Variants in XYLT1 observed in about 807,000 individuals in gnomAD.
XYLT1 encodes xylosyltransferase 1, also known as beta-D-xylosyltransferase 1.
A neutral mutation model predicts 91.3 loss-of-function variants in XYLT1; 36 were observed. That is an observed-to-expected ratio of 0.39 (90% CI 0.30 to 0.52). The LOEUF (loss-of-function observed/expected upper bound fraction) is 0.52, where lower values mean the gene tolerates loss of function less well. Among genes scored for constraint, XYLT1 ranks in the 20% least tolerant of loss-of-function variants. The pLI, the probability that XYLT1 is intolerant of heterozygous loss-of-function variation, is 0.68. For synonymous variants in XYLT1, 588 were observed against 532.0 expected (o/e 1.11, Z -1.45); for missense variants, 1,242 against 1,284.5 (o/e 0.97, Z 0.51).
chr16:17,361,451 T>A (rs183957513), intron 1 of XYLT1, among the ~76,000 whole-genome samples: 1 of 152,258 alleles, frequency 6.6e-6, no homozygotes, highest in Non-Finnish European at 1.5e-5. Context: ...CTGACCTCGA[T>A]AGATCAAAAA....
rs770458899 is a variant in XYLT1 at position 17,134,666 on chromosome 16, G to A, written c.1834C>T (p.Leu612=). The change falls in exon 9 of 12, where the codon CTG becomes TTG. Residue 612 remains leucine (L), a synonymous_variant. Coordinates refer to ENST00000261381, the MANE Select transcript of XYLT1 (RefSeq NM_022166.4). ...TAGTTCCCGTACAGGTAATAGTCCAGCTGCCCAATGATTTCCTGATTCACC... is the reference window on the plus strand; with the variant it reads ...TAGTTCCCGTACAGGTAATAGTCCAACTGCCCAATGATTTCCTGATTCACC... ...AVVNQEIIGQ[L]DYYLYGNYPA... 2 of 1,614,206 alleles carry A rather than the reference G, an allele frequency of 1.2e-6. No individual in the cohort carries two copies. Among genetic ancestry groups the A allele is most frequent in the Admixed American group, 1.7e-5 (1 of 60,028 alleles).
intron 1 of XYLT1, among the ~76,000 whole-genome samples, chr16:17,462,060 T>C (rs2036830792): frequency 6.6e-6 from 1 of 152,156 alleles, no homozygotes; most frequent in Non-Finnish European, 1.5e-5. Context: ...CACAAACTCA[T>C]CTTAAACTGA....
chr16:17,224,312 A>G lies in XYLT1; in HGVS notation c.914-23658T>C, dbSNP rs114153955. 3.9e-3 allele frequency among the ~76,000 whole-genome samples: 592 copies of G among 152,338 alleles called. 2 individuals are homozygous for G. Among genetic ancestry groups the G allele is most frequent in the African/African-American group, 0.014 (567 of 41,578 alleles). ...CCTAAACTTTCCATACATTTCTTACATGAACAAATGAATGACCCAACGAAC... is the reference window on the plus strand; with the variant it reads ...CCTAAACTTTCCATACATTTCTTACGTGAACAAATGAATGACCCAACGAAC... On this transcript the variant is annotated intron_variant, in intron 3 of 11. Coordinates refer to ENST00000261381, the MANE Select transcript of XYLT1 (RefSeq NM_022166.4).
chr16:17,182,192 T>C (rs1240922830), intron 5 of XYLT1, among the ~76,000 whole-genome samples: 2 of 152,184 alleles, frequency 1.3e-5, no homozygotes, highest in Non-Finnish European at 2.9e-5. Flanking sequence ...TGAGGACAGG[T>C]ACCTTGGTCT....
chr16:17,225,605 G>GAA (rs751015865), intron 3 of XYLT1, among the ~76,000 whole-genome samples: 5 of 139,958 alleles, frequency 3.6e-5, no homozygotes. Context: ...GAAGAAGGAG[G>GAA]AAAAAAAAAA....
chr16:17,110,129 C>T (rs1356743080), intron 11 of XYLT1, among the ~76,000 whole-genome samples: 1 of 152,230 alleles, frequency 6.6e-6, no homozygotes, highest in East Asian at 1.9e-4. Flanking sequence ...ACCTCCATGC[C>T]TTGTACCTCA....
At chr16:17,131,262 G>A (rs549773199) in intron 9 of XYLT1, among the ~76,000 whole-genome samples, 1 of 152,292 alleles carries the variant, frequency 6.6e-6, no homozygotes, top group South Asian at 2.1e-4. Flanking sequence ...CATCCTGACT[G>A]TATTTGGTAT....
chr16:17,146,250 T>C (rs911634842), intron 6 of XYLT1, among the ~76,000 whole-genome samples: 4 of 151,762 alleles, frequency 2.6e-5, no homozygotes, highest in Non-Finnish European at 5.9e-5. Flanking sequence ...GATAATGACA[T>C]AGTACACCTA....
intron 6 of XYLT1, among the ~76,000 whole-genome samples, chr16:17,147,324 C>T (rs920821353): frequency 3.3e-5 from 5 of 152,190 alleles, no homozygotes; most frequent in African/African-American, 9.7e-5. Context: ...TGTATTCAAA[C>T]TTACATGGTT....
intron 1 of XYLT1, among the ~76,000 whole-genome samples, chr16:17,455,045 G>A (rs1416233800): frequency 2.0e-5 from 3 of 151,822 alleles, no homozygotes; most frequent in East Asian, 3.9e-4. Flanking sequence ...ACTCCCAGAC[G>A]CAATGTTAAC....
At chr16:17,370,922 G>A (rs1476737631) in intron 1 of XYLT1, among the ~76,000 whole-genome samples, 2 of 152,110 alleles carry the variant, frequency 1.3e-5, no homozygotes, top group Admixed American at 1.3e-4. Flanking sequence ...CACAGTCCCC[G>A]CCCCAGACAC....
chr16:17,398,062 A>G (rs886687769), intron 1 of XYLT1, among the ~76,000 whole-genome samples: 5 of 151,994 alleles, frequency 3.3e-5, no homozygotes, highest in Non-Finnish European at 7.4e-5. Context: ...TCTCGTGAAC[A>G]GCTCTTTCAC....
chr16:17,387,644 C>G (rs1450891439), intron 1 of XYLT1, among the ~76,000 whole-genome samples: 1 of 152,180 alleles, frequency 6.6e-6, no homozygotes, highest in South Asian at 2.1e-4. Flanking sequence ...AAGGGAACCG[C>G]TGCTACCCCC....
At chr16:17,286,030 G>T (rs1321988633) in intron 2 of XYLT1, among the ~76,000 whole-genome samples, 1 of 152,038 alleles carries the variant, frequency 6.6e-6, no homozygotes, top group Non-Finnish European at 1.5e-5. Flanking sequence ...CACAATGGGG[G>T]TCTGGGCCCA....
intron 10 of XYLT1, among the ~76,000 whole-genome samples, chr16:17,127,099 A>T (rs2030289505): frequency 6.6e-6 from 1 of 152,216 alleles, no homozygotes; most frequent in Non-Finnish European, 1.5e-5. Flanking sequence ...GATCAGAATG[A>T]TCAAAAACAA....
intron 1 of XYLT1, among the ~76,000 whole-genome samples, chr16:17,411,892 C>G (rs368532444): frequency 2.2e-4 from 34 of 152,154 alleles, no homozygotes; most frequent in African/African-American, 7.5e-4. Context: ...TGCTAACTCT[C>G]AAATTCTACT....
At chr16:17,424,867 CAAAA>C (rs57342754) in intron 1 of XYLT1, among the ~76,000 whole-genome samples, 2 of 76,158 alleles carry the variant, frequency 2.6e-5, no homozygotes, top group Non-Finnish European at 2.5e-5. Flanking sequence ...GACTCCATCT[CAAAA>C]AAAAAAAAAA....
chr16:17,380,112 A>AC (rs367749916), intron 1 of XYLT1, among the ~76,000 whole-genome samples: 1 of 151,842 alleles, frequency 6.6e-6, no homozygotes, highest in Non-Finnish European at 1.5e-5. Flanking sequence ...ACATGGTGAA[A>AC]CCCCATCTCT....
At chr16:17,463,347 T>C (rs1353391431) in intron 1 of XYLT1, among the ~76,000 whole-genome samples, 1 of 151,808 alleles carries the variant, frequency 6.6e-6, no homozygotes, top group African/African-American at 2.4e-5. Flanking sequence ...AACCAAAATA[T>C]ATAAAGAACT....
Sources: allele counts gnomAD v4.1 joint callset (sites outside exome capture counted in the v4.1 genomes callset), GRCh38; gene constraint gnomAD v4.1.1; transcripts MANE v1.5; gene names NCBI Gene and HGNC (gene_info 2026-07-23, HGNC 2026-07-21).